The following P2RY8 variants were observed in gnomAD, a reference collection of about 807,000 sequenced individuals.
P2RY8 encodes P2Y receptor family member 8.
A neutral mutation model predicts 10.0 loss-of-function variants in P2RY8; 6 were observed. The observed-to-expected ratio is 0.60, with a 90% CI of 0.33 to 1.19. P2RY8 has a LOEUF of 1.19. P2RY8 is among the 50% of genes most tolerant of loss of function. The probability of loss-of-function intolerance (pLI) is 0.04; values close to 1 mark genes in which losing one functional copy is unlikely to be tolerated. For missense variants in P2RY8, 456 were observed against 542.0 expected, an observed-to-expected ratio of 0.84 and a Z score of 1.58; for synonymous variants, 276 against 252.5, an observed-to-expected ratio of 1.09 and a Z score of -0.88.
chrX:1,466,206 C>A lies in P2RY8; in HGVS notation c.353G>T (p.Ser118Ile). 6.2e-7 allele frequency: 1 copy of A among 1,613,274 alleles called. No individual in the cohort carries two copies. Among genetic ancestry groups the A allele is most frequent in the South Asian group, 1.1e-5 (1 of 90,988 alleles). ...YSSILTMTCI[S>I]VERFLGVLYP... ...CAGGACCCCCAGGAAGCGCTCCACG[C>A]TGATACAGGTCATGGTGAGGATGCT... The change falls in exon 2 of 2, where the codon AGC (serine) becomes ATC (isoleucine). Residue 118 changes from serine to isoleucine, a missense_variant. By Grantham distance (142) the Ser-to-Ile change is moderately radical. Transcript: ENST00000381297.
chrX:1,466,312 G>T lies in P2RY8; in HGVS notation c.247C>A (p.His83Asn), dbSNP rs2149370377. 1 of 1,613,842 alleles carries T rather than the reference G, an allele frequency of 6.2e-7. No homozygotes were observed. The highest frequency in any genetic ancestry group is 1.7e-5 in the Admixed American group (1 of 60,008). Residue 83 changes from histidine to asparagine, a missense_variant, in exon 2 of 2, where the codon CAT (histidine) becomes AAT (asparagine). By Grantham distance (68) the His-to-Asn change is moderately conservative. Coordinates refer to ENST00000381297, the MANE Select transcript of P2RY8 (RefSeq NM_178129.5). ...ASVLPFQIYY[H>N]CNRHHWVFGV... is the part of the protein sequence containing the mutation. The stretch of plus-strand genomic sequence containing the variant: ...AATACCCAGTGGTGGCGGTTGCAAT[G>T]GTAGTAGATTTGGAAAGGCAACACG...
rs1348626686 is a variant in P2RY8, at chrX:1,466,298, G to A, written c.261C>T (p.His87=). 3 of 1,613,794 alleles carry A rather than the reference G, an allele frequency of 1.9e-6. No homozygotes were observed. The highest frequency in any genetic ancestry group is 2.5e-6 in the Non-Finnish European group (3 of 1,179,868). ...PFQIYYHCNR[H]HWVFGVLLCN... ...AAAGCAGCACCCCGAATACCCAGTG[G>A]TGGCGGTTGCAATGGTAGTAGATTT... Residue 87 remains histidine (H), a synonymous_variant, in exon 2 of 2, where the codon CAC becomes CAT. Coordinates refer to ENST00000381297, the MANE Select transcript of P2RY8 (RefSeq NM_178129.5).
chrX:1,506,136 G>T (rs1384541577), intron 1 of P2RY8, among the ~76,000 whole-genome samples: 3 of 151,622 alleles, frequency 2.0e-5, no homozygotes, highest in African/African-American at 7.3e-5. Flanking sequence ...GGGATTATAG[G>T]CACCCGCCAC....
chrX:1,520,837 C>T (rs34719032), intron 1 of P2RY8, among the ~76,000 whole-genome samples: 13,932 of 151,674 alleles, frequency 0.092, 825 homozygotes, highest in Non-Finnish European at 0.14. Context: ...TCTCTGGTCC[C>T]CAATAATCTC....
At chrX:1,487,371 CG>C (rs1413929833) in intron 1 of P2RY8, among the ~76,000 whole-genome samples, 5 of 152,016 alleles carry the variant, frequency 3.3e-5, no homozygotes, top group Admixed American at 6.6e-5. Context: ...TGTTTGCAAA[CG>C]TTTTTTTGTG....
chrX:1,513,535 T>G (rs1289741202), intron 1 of P2RY8, among the ~76,000 whole-genome samples: 1 of 150,752 alleles, frequency 6.6e-6, no homozygotes, highest in Non-Finnish European at 1.5e-5. Context: ...TCTGTGTCTG[T>G]GTCTCCTCTT....
chrX:1,492,409 T>C (rs1351379143), intron 1 of P2RY8, among the ~76,000 whole-genome samples: 1 of 152,154 alleles, frequency 6.6e-6, no homozygotes, highest in African/African-American at 2.4e-5. Flanking sequence ...CATTTGATTC[T>C]GCTCTGAAAA....
chrX:1,465,298 C>T lies in P2RY8; in HGVS notation c.*181G>A. 1.0e-6 allele frequency: 1 copy of T among 1,000,840 alleles called. No homozygotes were observed. Among genetic ancestry groups the T allele is most frequent in the Non-Finnish European group, 1.4e-6 (1 of 703,576 alleles). The allele number at this position is 1,000,840 out of a possible 1,614,324, so 62.0% of individuals were successfully genotyped here. The stretch of plus-strand genomic sequence containing the variant: ...CCCTGAGTGAAGCCTGGAGACCCTT[C>T]CTCACCGGTGCCTCTGCAGTGCCTG... On this transcript the variant is annotated 3_prime_UTR_variant, in exon 2 of 2. Transcript: ENST00000381297.
At position 1,465,455 on chromosome X, in the gene P2RY8, C is replaced by T. The variant is rs375144912; in HGVS notation, c.*24G>A. On this transcript the variant is annotated 3_prime_UTR_variant, in exon 2 of 2. Coordinates refer to ENST00000381297, the MANE Select transcript of P2RY8 (RefSeq NM_178129.5). ...CTGGATCTCCAAGCTGCGCCCCCGG[C>T]TCTCCAAGCTGCGCCCCCGGGACTC... 17 of 1,575,526 alleles carry T rather than the reference C, an allele frequency of 1.1e-5. No individual in the cohort carries two copies. The highest frequency in any genetic ancestry group is 2.2e-5 in the East Asian group (1 of 44,484).
intron 1 of P2RY8, among the ~76,000 whole-genome samples, chrX:1,520,388 T>C (rs1334960427): frequency 2.7e-5 from 4 of 150,054 alleles, no homozygotes; most frequent in African/African-American, 9.8e-5. Flanking sequence ...GTCCCAAGTA[T>C]TCTCTCTGAT....
chrX:1,474,003 ATGGATGGGTGGGTGGATGGGAGGG>A (rs2091839922), intron 1 of P2RY8, among the ~76,000 whole-genome samples: 1 of 123,208 alleles, frequency 8.1e-6, no homozygotes. Flanking sequence ...GGATGAGTGG[ATGGATGGGTGGGTGGATGGGAGGG>A]TGGATGGGTG....
At chrX:1,470,230 G>T (rs1603454276) in intron 1 of P2RY8, among the ~76,000 whole-genome samples, 1 of 148,238 alleles carries the variant, frequency 6.7e-6, no homozygotes, top group South Asian at 2.2e-4. Flanking sequence ...AAAACAAATG[G>T]GCCAGGCGCG....
intron 1 of P2RY8, among the ~76,000 whole-genome samples, chrX:1,535,033 G>T (rs117366366): frequency 6.6e-6 from 1 of 151,868 alleles, no homozygotes; most frequent in Non-Finnish European, 1.5e-5. Flanking sequence ...TCCCATGCAC[G>T]CCTCTCTCAG....
At chrX:1,494,007 C>G (rs2092093301) in intron 1 of P2RY8, 2 of 152,338 alleles carry the variant, frequency 1.3e-5, no homozygotes, top group Non-Finnish European at 2.9e-5. Flanking sequence ...TCAGCAGCGT[C>G]TCTGGCCTGG....
At chrX:1,505,987 CTTTTTTTT>C (rs542485545) in intron 1 of P2RY8, among the ~76,000 whole-genome samples, 45 of 108,816 alleles carry the variant, frequency 4.1e-4, no homozygotes, top group Admixed American at 7.9e-4. Context: ...TTTCTTTCTT[CTTTTTTTT>C]TTTTTTTTTT....
rs1395325661 is a variant in P2RY8 at position 1,465,088 on chromosome X, C to T, written c.*391G>A. 1 of 280,014 alleles carries T rather than the reference C, an allele frequency of 3.6e-6. No individual in the cohort carries two copies. The highest frequency in any genetic ancestry group is 2.1e-5 in the African/African-American group (1 of 46,530). 17.3% of individuals were successfully genotyped at this position (280,014 alleles called of 1,614,324 possible). On this transcript the variant is annotated 3_prime_UTR_variant, in exon 2 of 2. Transcript: ENST00000381297. ...CGGTGGGGCTGGTTGAATATCCACC[C>T]TCGGGTATGGACAGGTGTGAGGAGT...
intron 1 of P2RY8, among the ~76,000 whole-genome samples, chrX:1,475,448 C>A (rs1258153230): frequency 6.6e-6 from 1 of 152,000 alleles, no homozygotes; most frequent in South Asian, 2.1e-4. Flanking sequence ...CCTGCCAATA[C>A]CTTCATCTCA....
chrX:1,503,834 G>A (rs1252169483), intron 1 of P2RY8, among the ~76,000 whole-genome samples: 1 of 152,054 alleles, frequency 6.6e-6, no homozygotes, highest in Non-Finnish European at 1.5e-5. Flanking sequence ...GGCAGAGGTT[G>A]CAGTGAGCTG....
In P2RY8 at chrX:1,465,295, C is replaced by T; in HGVS notation, c.*184G>A. 1.0e-6 allele frequency: 1 copy of T among 972,532 alleles called. No homozygotes were observed. Among genetic ancestry groups the T allele is most frequent in the Non-Finnish European group, 1.5e-6 (1 of 678,028 alleles). 60.2% of individuals were successfully genotyped at this position (972,532 alleles called of 1,614,324 possible). Reference sequence around the variant, plus strand: ...CTACCCTGAGTGAAGCCTGGAGACCCTTCCTCACCGGTGCCTCTGCAGTGC... The same window carrying T: ...CTACCCTGAGTGAAGCCTGGAGACCTTTCCTCACCGGTGCCTCTGCAGTGC... On this transcript the variant is annotated 3_prime_UTR_variant, in exon 2 of 2. Coordinates refer to ENST00000381297, the MANE Select transcript of P2RY8 (RefSeq NM_178129.5).
Sources: allele counts gnomAD v4.1 joint callset (sites outside exome capture counted in the v4.1 genomes callset), GRCh38; gene constraint gnomAD v4.1.1; transcripts MANE v1.5; gene names NCBI Gene and HGNC (gene_info 2026-07-23, HGNC 2026-07-21).